Variants in AGBL4 observed in about 807,000 individuals in gnomAD.
The protein encoded by AGBL4 is AGBL carboxypeptidase 4.
In AGBL4, 58 loss-of-function variants were observed where a neutral mutation model predicts 66.4. That is an observed-to-expected ratio of 0.87 (90% CI 0.71 to 1.09). The LOEUF is 1.09. Ranked by LOEUF, AGBL4 falls within the 50% of genes least tolerant of loss-of-function variation. The pLI is 0.00. For missense variants in AGBL4, 579 were observed against 631.0 expected, an observed-to-expected ratio of 0.92 and a Z score of 0.88; for synonymous variants, 234 against 222.9, an observed-to-expected ratio of 1.05 and a Z score of -0.44.
At chr1:49,495,419 A>C (rs1372219005) in intron 3 of AGBL4, among the ~76,000 whole-genome samples, 2 of 152,034 alleles carry the variant, frequency 1.3e-5, no homozygotes, top group Non-Finnish European at 2.9e-5. Context: ...GTGTGGCCCA[A>C]GACAATTATC....
chr1:49,926,115 C>T (rs1468061744), intron 1 of AGBL4, among the ~76,000 whole-genome samples: 2 of 152,148 alleles, frequency 1.3e-5, no homozygotes, highest in Admixed American at 1.3e-4. Context: ...CAGTGCAGTC[C>T]CAAAGGTGCT....
At chr1:49,770,562 T>C (rs1395927867) in intron 2 of AGBL4, among the ~76,000 whole-genome samples, 5 of 152,196 alleles carry the variant, frequency 3.3e-5, no homozygotes, top group Non-Finnish European at 7.4e-5. Flanking sequence ...CCCTCCTCTT[T>C]AATTTCTGGA....
chr1:49,983,713 AT>A (rs1329839907), intron 1 of AGBL4, among the ~76,000 whole-genome samples: 1 of 152,200 alleles, frequency 6.6e-6, no homozygotes, highest in East Asian at 1.9e-4. Context: ...GATCATGAAC[AT>A]TTTTTTGATT....
intron 1 of AGBL4, among the ~76,000 whole-genome samples, chr1:49,886,696 A>G (rs984341738): frequency 6.6e-6 from 1 of 152,132 alleles, no homozygotes; most frequent in Non-Finnish European, 1.5e-5. Context: ...AGAAGCAGAG[A>G]CCATTCTCCT....
intron 5 of AGBL4, among the ~76,000 whole-genome samples, chr1:48,891,188 C>G (rs997952336): frequency 6.6e-6 from 1 of 152,132 alleles, no homozygotes; most frequent in African/African-American, 2.4e-5. Context: ...AGGCAGATAT[C>G]ATTATTATTA....
chr1:49,453,487 C>T (rs1306579311), intron 3 of AGBL4, among the ~76,000 whole-genome samples: 1 of 151,598 alleles, frequency 6.6e-6, no homozygotes, highest in Non-Finnish European at 1.5e-5. Context: ...CTACTTCATC[C>T]CCTTCAATCA....
At chr1:49,860,580 T>A (rs1267859759) in intron 1 of AGBL4, among the ~76,000 whole-genome samples, 1 of 152,022 alleles carries the variant, frequency 6.6e-6, no homozygotes, top group East Asian at 1.9e-4. Context: ...ATGCCACTAG[T>A]CCCAGTAACT....
At chr1:49,230,974 A>G (rs80164206) in intron 4 of AGBL4, among the ~76,000 whole-genome samples, 2,949 of 152,312 alleles carry the variant, frequency 0.019, 103 homozygotes, top group African/African-American at 0.068. Flanking sequence ...ATCAAATTAA[A>G]TATTTCTAGA....
At chr1:49,837,802 G>A (rs1645890536) in intron 2 of AGBL4, among the ~76,000 whole-genome samples, 1 of 152,126 alleles carries the variant, frequency 6.6e-6, no homozygotes, top group South Asian at 2.1e-4. Flanking sequence ...CTGAGATCGT[G>A]CCACTGCACT....
At chr1:48,590,156 G>T (rs1480107976) in intron 10 of AGBL4, among the ~76,000 whole-genome samples, 2 of 152,140 alleles carry the variant, frequency 1.3e-5, no homozygotes, top group Non-Finnish European at 2.9e-5. Flanking sequence ...TGTAATCCCA[G>T]CACATTGGGA....
At chr1:49,569,528 T>G (rs1644284530) in intron 3 of AGBL4, among the ~76,000 whole-genome samples, 1 of 152,158 alleles carries the variant, frequency 6.6e-6, no homozygotes, top group Non-Finnish European at 1.5e-5. Flanking sequence ...AAAATTAATT[T>G]TAAAAAAGAA....
intron 1 of AGBL4, among the ~76,000 whole-genome samples, chr1:50,009,417 T>C (rs1167651826): frequency 1.3e-5 from 2 of 151,722 alleles, no homozygotes; most frequent in African/African-American, 4.8e-5. Context: ...AAAAACCATA[T>C]AATCGTTTCA....
chr1:49,260,597 G>T (rs1653043447), intron 3 of AGBL4, among the ~76,000 whole-genome samples: 1 of 152,060 alleles, frequency 6.6e-6, no homozygotes, highest in South Asian at 2.1e-4. Context: ...ACCCTCCCAA[G>T]ACTAAACCAG....
chr1:49,003,089 T>C (rs1661512944), intron 5 of AGBL4, among the ~76,000 whole-genome samples: 2 of 152,154 alleles, frequency 1.3e-5, no homozygotes, highest in Admixed American at 6.5e-5. Context: ...AATGAATGAC[T>C]TGATGAAACA....
intron 10 of AGBL4, among the ~76,000 whole-genome samples, chr1:48,590,406 CAAAA>C (rs386366923): frequency 2.2e-4 from 21 of 93,668 alleles, no homozygotes; most frequent in African/African-American, 8.5e-4. Context: ...AACTCAGTCT[CAAAA>C]AAAAAAAAAA....
At chr1:49,727,057 T>C (rs1333377671) in intron 2 of AGBL4, among the ~76,000 whole-genome samples, 2 of 152,094 alleles carry the variant, frequency 1.3e-5, no homozygotes, top group East Asian at 3.9e-4. Context: ...CTGTTATCAG[T>C]AGAGGAAGTG....
At chr1:49,338,530 A>G (rs1645480353) in intron 3 of AGBL4, among the ~76,000 whole-genome samples, 1 of 152,190 alleles carries the variant, frequency 6.6e-6, no homozygotes, top group African/African-American at 2.4e-5. Flanking sequence ...TTTGTCGCAC[A>G]TCTTTTCCAA....
intron 12 of AGBL4, among the ~76,000 whole-genome samples, chr1:48,536,795 T>C (rs1393174618): frequency 6.6e-6 from 1 of 152,356 alleles, no homozygotes; most frequent in East Asian, 1.9e-4. Context: ...TCTGATTTTG[T>C]CCCCTTTGCT....
chr1:49,169,175 A>G (rs1162936142), intron 4 of AGBL4, among the ~76,000 whole-genome samples: 1 of 152,168 alleles, frequency 6.6e-6, no homozygotes, highest in Non-Finnish European at 1.5e-5. Context: ...AAAGCCATAT[A>G]AGAGAAAGTA....
Sources: allele counts gnomAD v4.1 joint callset (sites outside exome capture counted in the v4.1 genomes callset), GRCh38; gene constraint gnomAD v4.1.1; transcripts MANE v1.5; gene names NCBI Gene and HGNC (gene_info 2026-07-23, HGNC 2026-07-21).